The following MEF2C variants were observed in gnomAD, a reference collection of about 807,000 sequenced individuals.
The protein encoded by MEF2C is myocyte-specific enhancer factor 2C.
A neutral mutation model predicts 50.5 loss-of-function variants in MEF2C; 6 were observed. That is an observed-to-expected ratio of 0.12 (90% CI 0.07 to 0.23). The LOEUF is 0.23. Among genes scored for constraint, MEF2C ranks in the 10% least tolerant of loss-of-function variants. MEF2C has a pLI of 1.00. For missense variants in MEF2C, 276 were observed against 605.0 expected (o/e 0.46, Z 5.70); for synonymous variants, 183 against 228.0 (o/e 0.80, Z 1.78).
intron 1 of MEF2C, among the ~76,000 whole-genome samples, chr5:88,826,483 C>T (rs1009227939): frequency 3.3e-5 from 5 of 151,918 alleles, no homozygotes; most frequent in Admixed American, 6.6e-5. Flanking sequence ...TATCATGAAA[C>T]GTGGTTTAGA....
chr5:88,884,314 CCTCCGTTA>C (rs1833775487), upstream of MEF2C: 2 of 152,236 alleles, frequency 1.3e-5, no homozygotes, highest in Admixed American at 1.3e-4. Flanking sequence ...TCGGTGCGCT[CCTCCGTTA>C]CTCACGCGTA....
intron 1 of MEF2C, chr5:88,839,353 C>A (rs916614785): frequency 2.1e-5 from 3 of 141,196 alleles, no homozygotes; most frequent in Non-Finnish European, 3.2e-5. Flanking sequence ...CTCTCTCTCT[C>A]TATCTATCTA....
intron 1 of MEF2C, among the ~76,000 whole-genome samples, chr5:88,902,706 A>C (rs1388240896): frequency 6.6e-6 from 1 of 151,862 alleles, no homozygotes; most frequent in East Asian, 1.9e-4. Flanking sequence ...TATTTATGGG[A>C]TCATCAGAAT....
At chr5:88,814,129 A>T (rs1562185671) in intron 2 of MEF2C, among the ~76,000 whole-genome samples, 1 of 152,148 alleles carries the variant, frequency 6.6e-6, no homozygotes, top group African/African-American at 2.4e-5. Context: ...ACAATCTTTA[A>T]TTGGGAAAAA....
At chr5:88,741,634 T>C (rs1311523187) in intron 6 of MEF2C, 4 of 979,326 alleles carry the variant, frequency 4.1e-6, no homozygotes. Flanking sequence ...TGGCCATAGA[T>C]TTAGTTTTCT....
intron 3 of MEF2C, among the ~76,000 whole-genome samples, chr5:88,763,346 G>C (rs953215542): frequency 6.6e-6 from 1 of 152,050 alleles, no homozygotes. Flanking sequence ...ATACTATAAA[G>C]AACATCACAA....
chr5:88,739,710 T>C (rs1181094340), intron 6 of MEF2C: 2 of 985,170 alleles, frequency 2.0e-6, no homozygotes, highest in African/African-American at 3.5e-5. Context: ...CTGTTGTGTA[T>C]CAAAATCAGT....
At chr5:88,764,701 G>A (rs1779237581) in intron 3 of MEF2C, among the ~76,000 whole-genome samples, 1 of 150,814 alleles carries the variant, frequency 6.6e-6, no homozygotes. Context: ...GCAGCTACTT[G>A]GGAGGCTGAC....
At chr5:88,759,700 T>C (rs665324) in intron 4 of MEF2C, among the ~76,000 whole-genome samples, 74,016 of 152,138 alleles carry the variant, frequency 0.49, 19,359 homozygotes, top group East Asian at 0.58. Context: ...TAAGAATTTA[T>C]AGCACTTAGC....
At chr5:88,772,914 C>T (rs539079910) in intron 3 of MEF2C, 1 of 985,480 alleles carries the variant, frequency 1.0e-6, no homozygotes, top group Admixed American at 6.1e-5. Flanking sequence ...AGGGTTTTGC[C>T]TGAGCTTGTG....
intron 6 of MEF2C, 73 bp downstream of exon 6, chr5:88,748,997 C>G: frequency 3.2e-6 from 5 of 1,549,666 alleles, no homozygotes; most frequent in Non-Finnish European, 4.4e-6. Context: ...GTTCAAAAGA[C>G]TTTGTCCTGC....
intron 1 of MEF2C, among the ~76,000 whole-genome samples, chr5:88,881,715 T>C (rs1401630649): frequency 1.5e-5 from 2 of 131,714 alleles, no homozygotes; most frequent in Admixed American, 8.3e-5. Context: ...CCAGTGAAAG[T>C]AGGCTAGTCG....
rs370103356 is a variant in MEF2C, at chr5:88,823,680, T to C, written c.54+55A>G. ...AGATATTTTCTGTACCCTTAACATA[T>C]GTGGAGAAAATATAATTAATAAATA... On this transcript the variant is annotated intron_variant, in intron 2 of 10. Coordinates refer to ENST00000504921, the MANE Select transcript of MEF2C (RefSeq NM_002397.5). 52 of 1,469,582 alleles carry C rather than the reference T, an allele frequency of 3.5e-5. No individual in the cohort carries two copies. The African/African-American group carries it at 6.5e-4, about 18-fold the overall frequency. The allele number at this position is 1,469,582 out of a possible 1,614,324, so 91.0% of individuals were successfully genotyped here. A position where few individuals can be genotyped will look rare whatever the true frequency, so the allele number is the denominator to read the frequency against.
chr5:88,724,816 G>T (rs1053845047), intron 10 of MEF2C, among the ~76,000 whole-genome samples: 4 of 152,008 alleles, frequency 2.6e-5, no homozygotes, highest in Non-Finnish European at 5.9e-5. Context: ...CTGGAATAAA[G>T]AATTTTCCTG....
At chr5:88,741,729 A>C in intron 6 of MEF2C, 1 of 983,144 alleles carries the variant, frequency 1.0e-6, no homozygotes, top group African/African-American at 1.7e-5. Context: ...TCGGTTCTTT[A>C]TAATAACTGG....
At chr5:88,740,475 A>C (rs1581559019) in intron 6 of MEF2C, 1 of 984,222 alleles carries the variant, frequency 1.0e-6, no homozygotes, top group East Asian at 1.1e-4. Flanking sequence ...TCACCATCCC[A>C]GCTTTTGACA....
intron 6 of MEF2C, chr5:88,734,576 T>TTTTTTG: frequency 1.2e-6 from 1 of 856,636 alleles, no homozygotes; most frequent in Non-Finnish European, 1.4e-6. Context: ...TTTTTTTTTT[T>TTTTTTG]TTTTTTTTTT....
chr5:88,762,325 T>C (rs1778236962), intron 3 of MEF2C, among the ~76,000 whole-genome samples: 1 of 152,218 alleles, frequency 6.6e-6, no homozygotes, highest in Non-Finnish European at 1.5e-5. Flanking sequence ...TCGCCCAGGC[T>C]GGAGTATAGT....
chr5:88,742,213 A>C, intron 6 of MEF2C: 1 of 985,362 alleles, frequency 1.0e-6, no homozygotes, highest in South Asian at 4.7e-5. Flanking sequence ...ACTGATGCAC[A>C]ATGTCACATC....
Sources: gnomAD v4.1 joint callset for allele counts (sites outside exome capture counted in the v4.1 genomes callset) on GRCh38, gnomAD v4.1.1 for gene constraint, MANE v1.5 for transcripts, NCBI Gene and HGNC (gene_info 2026-07-23, HGNC 2026-07-21) for gene names.